The following PCLO variants were observed in gnomAD, a reference collection of about 807,000 sequenced individuals.
PCLO encodes the protein protein piccolo.
A neutral mutation model predicts 427.5 loss-of-function variants in PCLO; 82 were observed. That is an observed-to-expected ratio of 0.19 (90% CI 0.16 to 0.23). The LOEUF (loss-of-function observed/expected upper bound fraction) is 0.23. Ranked by LOEUF, PCLO falls within the 10% of genes least tolerant of loss-of-function variation. The probability of loss-of-function intolerance (pLI) is 1.00; values close to 1 mark genes in which losing one functional copy is unlikely to be tolerated. For synonymous variants in PCLO, 2,357 were observed against 2,155.4 expected, an observed-to-expected ratio of 1.09 and a Z score of -2.59; for missense variants, 6,239 against 6,115.9, an observed-to-expected ratio of 1.02 and a Z score of -0.67.
At chr7:83,035,090 T>G (rs1331740752) in intron 3 of PCLO, among the ~76,000 whole-genome samples, 1 of 152,208 alleles carries the variant, frequency 6.6e-6, no homozygotes, top group African/African-American at 2.4e-5. Context: ...TCTTTAATTC[T>G]TAAAGTCCCA....
chr7:82,855,770 C>A (rs1416559642), intron 10 of PCLO, among the ~76,000 whole-genome samples: 2 of 151,978 alleles, frequency 1.3e-5, no homozygotes, highest in Non-Finnish European at 2.9e-5. Flanking sequence ...AAAAATTATG[C>A]TGAATCTTAC....
chr7:82,949,619 G>A lies in PCLO; in HGVS notation c.10969C>T (p.Leu3657=). Residue 3657 remains leucine (L), a synonymous_variant, in exon 6 of 25, where the codon CTG becomes TTG. Coordinates refer to ENST00000333891, the MANE Select transcript of PCLO (RefSeq NM_033026.6). ...LPDDISPQKV[L]HPDMAKVPPA... Reference sequence around the variant, plus strand: ...GGAACTTTAGCCATATCTGGATGCAGTACTTTCTGTGGACTTATATCATCA... The same window carrying A: ...GGAACTTTAGCCATATCTGGATGCAATACTTTCTGTGGACTTATATCATCA... 1 of 1,613,858 alleles carries A rather than the reference G, an allele frequency of 6.2e-7. No individual in the cohort carries two copies. The highest frequency in any genetic ancestry group is 8.5e-7 in the Non-Finnish European group (1 of 1,179,850).
chr7:83,038,029 A>ATC (rs1788855213), intron 3 of PCLO, among the ~76,000 whole-genome samples: 2 of 36,496 alleles, frequency 5.5e-5, no homozygotes, highest in African/African-American at 3.7e-4. Context: ...ATATATATAT[A>ATC]TTTATATATT....
chr7:82,856,852 T>G (rs1250016138), intron 10 of PCLO, among the ~76,000 whole-genome samples: 2 of 151,948 alleles, frequency 1.3e-5, no homozygotes, highest in African/African-American at 4.8e-5. Context: ...TATTGGGGGG[T>G]GGGTAGGGCC....
chr7:83,162,251 A>G (rs984679787), intron 1 of PCLO, 94 bp downstream of exon 1: 1 of 1,397,610 alleles, frequency 7.2e-7, no homozygotes. Context: ...GAGGCGACAT[A>G]TATGTACCGC....
rs1000682902 is a variant in PCLO, at chr7:83,124,234, G to A, written c.3300+10016C>T. 2.0e-4 allele frequency among the ~76,000 whole-genome samples: 31 copies of A among 151,400 alleles called. 1 individual carries two copies. Among genetic ancestry groups the A allele is most frequent in the Admixed American group, 2.0e-4 (3 of 15,178 alleles). On this transcript the variant is annotated intron_variant, in intron 3 of 24. Coordinates refer to ENST00000333891, the MANE Select transcript of PCLO (RefSeq NM_033026.6). ...CGGAAGGCTGAGGCAGGAGAATGGC[G>A]TGAACCAGGAAGGCGGAGCTTGCAG...
chr7:82,935,855 A>T (rs557471243), intron 6 of PCLO, among the ~76,000 whole-genome samples: 1 of 151,832 alleles, frequency 6.6e-6, no homozygotes, highest in African/African-American at 2.4e-5. Context: ...TAAGCTGGCA[A>T]AAACTGACAG....
intron 6 of PCLO, among the ~76,000 whole-genome samples, chr7:82,930,617 T>C (rs1341715610): frequency 1.3e-5 from 2 of 152,166 alleles, no homozygotes; most frequent in Non-Finnish European, 2.9e-5. Context: ...ATAGAATGCA[T>C]GAACTCTGAT....
At chr7:83,099,063 T>C (rs1230336936) in intron 3 of PCLO, among the ~76,000 whole-genome samples, 2 of 151,752 alleles carry the variant, frequency 1.3e-5, no homozygotes, top group Non-Finnish European at 2.9e-5. Context: ...ATAACTTGAA[T>C]AGCTTACAAA....
chr7:82,989,402 T>A (rs1045769098), intron 3 of PCLO, among the ~76,000 whole-genome samples: 12 of 152,180 alleles, frequency 7.9e-5, no homozygotes, highest in African/African-American at 2.9e-4. Flanking sequence ...AAAATCTATT[T>A]TAAAATAGAG....
intron 3 of PCLO, among the ~76,000 whole-genome samples, chr7:83,107,727 ACGCCTATAAT>A (rs1372358523): frequency 2.8e-5 from 1 of 36,178 alleles, no homozygotes; most frequent in Non-Finnish European, 5.5e-5. Flanking sequence ...GCGGTGGCTC[ACGCCTATAAT>A]CCCAGCACTT....
Position 82,879,441 on chromosome 7 carries a change from A to T in PCLO, c.13550T>A (p.Ile4517Asn). Residue 4517 changes from isoleucine to asparagine, a missense_variant, in exon 10 of 25, where the codon ATT becomes AAT. Transcript: ENST00000333891. The stretch of plus-strand genomic sequence containing the variant: ...TCCCGGGATTTCTTTACCACCCACA[A>T]TTCTAATTCCTAATCCATTACCTGT... ...TVSGNGLGIR[I>N]VGGKEIPGHS... The T allele has an allele frequency of 6.2e-7, 1 of 1,601,958 alleles. No individual in the cohort carries two copies. The highest frequency in any genetic ancestry group is 8.5e-7 in the Non-Finnish European group (1 of 1,170,832).
chr7:82,810,219 A>G (rs1039908438), intron 20 of PCLO, among the ~76,000 whole-genome samples: 1 of 151,644 alleles, frequency 6.6e-6, no homozygotes, highest in African/African-American at 2.4e-5. Flanking sequence ...TAATTTCAAA[A>G]TCAAAAATTT....
intron 3 of PCLO, among the ~76,000 whole-genome samples, chr7:83,009,056 C>A (rs931996295): frequency 2.0e-5 from 3 of 151,610 alleles, no homozygotes; most frequent in Non-Finnish European, 4.4e-5. Context: ...ATTACCTAAA[C>A]CTTAATTCAT....
At chr7:82,883,864 G>A (rs1793567831) in intron 9 of PCLO, among the ~76,000 whole-genome samples, 1 of 152,114 alleles carries the variant, frequency 6.6e-6, no homozygotes, top group Non-Finnish European at 1.5e-5. Context: ...TCCGCCTCCA[G>A]GCTCAAGCTA....
intron 3 of PCLO, among the ~76,000 whole-genome samples, chr7:82,977,711 G>A (rs2115748895): frequency 6.6e-6 from 1 of 152,174 alleles, no homozygotes; most frequent in African/African-American, 2.4e-5. Context: ...ACTGCACCTG[G>A]CCCAAAATTC....
At chr7:83,009,540 A>G (rs1788027762) in intron 3 of PCLO, among the ~76,000 whole-genome samples, 1 of 151,888 alleles carries the variant, frequency 6.6e-6, no homozygotes, top group South Asian at 2.1e-4. Context: ...GTGGCCTGAA[A>G]GTACATAATG....
At chr7:83,077,929 C>T (rs1388478876) in intron 3 of PCLO, among the ~76,000 whole-genome samples, 1 of 151,960 alleles carries the variant, frequency 6.6e-6, no homozygotes, top group Non-Finnish European at 1.5e-5. Context: ...TACCCAAATC[C>T]TCTCAACAAT....
At chr7:83,103,785 C>A (rs1417329948) in intron 3 of PCLO, among the ~76,000 whole-genome samples, 1 of 151,886 alleles carries the variant, frequency 6.6e-6, no homozygotes, top group Admixed American at 6.6e-5. Flanking sequence ...AAAATACCTT[C>A]CTCACCATCA....
Sources: gnomAD v4.1 joint callset for allele counts (sites outside exome capture counted in the v4.1 genomes callset) on GRCh38, gnomAD v4.1.1 for gene constraint, MANE v1.5 for transcripts, NCBI Gene and HGNC (gene_info 2026-07-23, HGNC 2026-07-21) for gene names.